The following XNDC1N variants were observed in gnomAD, a reference collection of about 807,000 sequenced individuals.
XNDC1N encodes XRCC1 N-terminal domain containing 1, N-terminal like.
the XNDC1N span, among the ~76,000 whole-genome samples, chr11:71,873,724 A>C: frequency 6.6e-6 from 1 of 152,254 alleles, no homozygotes; most frequent in Non-Finnish European, 1.5e-5. Flanking sequence ...AGGGAAGAGT[A>C]GCAGGAAAAA....
the XNDC1N span, among the ~76,000 whole-genome samples, chr11:71,866,536 C>A: frequency 6.6e-6 from 1 of 152,088 alleles, no homozygotes; most frequent in Non-Finnish European, 1.5e-5. Context: ...AATCCCAACA[C>A]TTTGGGAGGC....
chr11:71,926,869 C>T, the XNDC1N span, among the ~76,000 whole-genome samples: 2 of 151,604 alleles, frequency 1.3e-5, no homozygotes, highest in African/African-American at 4.9e-5. Context: ...CCTCTGTACT[C>T]CAGCCTGGGT....
the XNDC1N span, among the ~76,000 whole-genome samples, chr11:71,878,022 G>C: frequency 6.6e-6 from 1 of 152,218 alleles, no homozygotes; most frequent in African/African-American, 2.4e-5. Context: ...CATTGCTTAA[G>C]CATGCTAACA....
the XNDC1N span, chr11:71,926,107 GAA>G: frequency 2.2e-5 from 3 of 138,806 alleles, no homozygotes; most frequent in Non-Finnish European, 4.7e-5. Context: ...TCCCATCTCT[GAA>G]AAAAAAAAAA....
chr11:71,905,942 C>T, the XNDC1N span, among the ~76,000 whole-genome samples: 697 of 152,134 alleles, frequency 4.6e-3, 3 homozygotes, highest in African/African-American at 0.016. Context: ...CTGTACACCA[C>T]CTGTGACATT....
At chr11:71,871,447 A>C in the XNDC1N span, among the ~76,000 whole-genome samples, 12 of 152,332 alleles carry the variant, frequency 7.9e-5, no homozygotes, top group Admixed American at 3.3e-4. Context: ...AGGTTTCTTT[A>C]AGATATACTG....
At chr11:71,895,309 T>C in the XNDC1N span, among the ~76,000 whole-genome samples, 2 of 152,124 alleles carry the variant, frequency 1.3e-5, no homozygotes, top group East Asian at 3.9e-4. Flanking sequence ...CATTTTCTAT[T>C]TCTTTCCCTT....
At chr11:71,899,639 A>G in the XNDC1N span, among the ~76,000 whole-genome samples, 2 of 152,200 alleles carry the variant, frequency 1.3e-5, no homozygotes. Flanking sequence ...AGTCATCGCC[A>G]TTCTCTATTC....
chr11:71,902,834 A>G, the XNDC1N span, among the ~76,000 whole-genome samples: 4 of 152,358 alleles, frequency 2.6e-5, no homozygotes, highest in African/African-American at 7.2e-5. Flanking sequence ...TCTTAAAGTG[A>G]AGACAATGCT....
chr11:71,896,153 C>T, the XNDC1N span, among the ~76,000 whole-genome samples: 1 of 152,180 alleles, frequency 6.6e-6, no homozygotes, highest in Non-Finnish European at 1.5e-5. Flanking sequence ...GTGACCTGTG[C>T]CTGTAGTCTC....
the XNDC1N span, among the ~76,000 whole-genome samples, chr11:71,899,588 G>T: frequency 1.3e-5 from 2 of 152,212 alleles, no homozygotes; most frequent in African/African-American, 4.8e-5. Flanking sequence ...CGCAGGACGT[G>T]CCTTGTTAAC....
chr11:71,886,200 G>T, the XNDC1N span, among the ~76,000 whole-genome samples: 1 of 151,974 alleles, frequency 6.6e-6, no homozygotes, highest in Non-Finnish European at 1.5e-5. Context: ...ACAATACACC[G>T]TCCTATACCG....
chr11:71,892,910 A>G, the XNDC1N span, among the ~76,000 whole-genome samples: 1 of 152,174 alleles, frequency 6.6e-6, no homozygotes, highest in African/African-American at 2.4e-5. Flanking sequence ...AGAAAACCGA[A>G]GGATGATGAT....
At chr11:71,926,908 GAAATAAAATAAAATA>G in the XNDC1N span, among the ~76,000 whole-genome samples, 596 of 149,186 alleles carry the variant, frequency 4.0e-3, 4 homozygotes, top group African/African-American at 0.014. Context: ...CTCAAAAAAT[GAAATAAAATAAAATA>G]AAATAAAATA....
chr11:71,865,593 G>A, the XNDC1N span: 1 of 172,124 alleles, frequency 5.8e-6, no homozygotes, highest in Non-Finnish European at 1.2e-5. Context: ...CTATTCCATA[G>A]GCAGAGGAGC....
At chr11:71,910,016 C>A in the XNDC1N span, among the ~76,000 whole-genome samples, 1 of 152,116 alleles carries the variant, frequency 6.6e-6, no homozygotes, top group Non-Finnish European at 1.5e-5. Flanking sequence ...GACAACTCTC[C>A]GGGATTGGCC....
the XNDC1N span, among the ~76,000 whole-genome samples, chr11:71,910,325 G>C: frequency 3.9e-5 from 6 of 151,952 alleles, no homozygotes; most frequent in Admixed American, 2.6e-4. Context: ...GCTTGGACCT[G>C]AAAGACGTTT....
the XNDC1N span, among the ~76,000 whole-genome samples, chr11:71,922,138 C>T: frequency 6.6e-6 from 1 of 152,146 alleles, no homozygotes; most frequent in African/African-American, 2.4e-5. Flanking sequence ...CCAGCCTGGG[C>T]AACAAAGCGA....
At chr11:71,893,552 T>A in the XNDC1N span, 1 of 910,294 alleles carries the variant, frequency 1.1e-6, no homozygotes, top group South Asian at 1.3e-5. Flanking sequence ...CTCGCTTTGC[T>A]GTCCCTGTCC....
Sources: allele counts gnomAD v4.1 joint callset (sites outside exome capture counted in the v4.1 genomes callset), GRCh38; gene constraint gnomAD v4.1.1; transcripts MANE v1.5; gene names NCBI Gene and HGNC (gene_info 2026-07-23, HGNC 2026-07-21).